Variants in ZDHHC2 observed in about 807,000 individuals in gnomAD.
ZDHHC2 encodes zDHHC palmitoyltransferase 2.
In ZDHHC2, 51 loss-of-function variants were observed where a neutral mutation model predicts 55.6. The observed-to-expected ratio is 0.92, with a 90% confidence interval of 0.73 to 1.16. ZDHHC2 has a LOEUF of 1.16. ZDHHC2 is among the 50% of genes most tolerant of loss of function. ZDHHC2 has a pLI of 0.00. For missense variants in ZDHHC2, 491 were observed against 442.4 expected (o/e 1.11, Z -0.99); for synonymous variants, 199 against 152.9 (o/e 1.30, Z -2.22).
rs1425835655 is a variant in ZDHHC2 at position 17,222,619 on chromosome 8, A to C, written c.*2398A>C. 1 of 151,814 alleles carries C rather than the reference A, an allele frequency of 6.6e-6. No homozygotes were observed. Among genetic ancestry groups the C allele is most frequent in the Non-Finnish European group, 1.5e-5 (1 of 67,786 alleles). The allele number at this position is 151,814 out of a possible 1,614,324, so 9.4% of individuals were successfully genotyped here. A position where few individuals can be genotyped will look rare whatever the true frequency, so the allele number is the denominator to read the frequency against. On this transcript the variant is annotated 3_prime_UTR_variant, in exon 13 of 13. Coordinates refer to ENST00000262096, the MANE Select transcript of ZDHHC2 (RefSeq NM_016353.5). ...TATTTGCTATTATGTAGGGAAGAGG[A>C]TTGTTATTTCAAAGATATATTAAAG...
At chr8:17,172,835 T>C (rs535258218) in intron 1 of ZDHHC2, among the ~76,000 whole-genome samples, 2 of 152,168 alleles carry the variant, frequency 1.3e-5, no homozygotes, top group South Asian at 2.1e-4. Context: ...TCTTACTCTT[T>C]CTAGTATCAC....
In ZDHHC2 at chr8:17,208,010, T is replaced by C. The variant is rs1807192676; in HGVS notation, c.648T>C (p.Phe216=). ...QAKFHIMFLF[F]AAAMFSVSLS... ...AGTTCCATATTATGTTTTTATTCTT[T>C]GCTGCAGCTATGTTTTCTGTCAGCT... is the stretch of plus-strand genomic sequence containing the variant. Residue 216 remains phenylalanine (F), a synonymous_variant, in exon 8 of 13, where the codon TTT becomes TTC. Coordinates refer to ENST00000262096, the MANE Select transcript of ZDHHC2 (RefSeq NM_016353.5). The C allele has an allele frequency of 5.0e-6, 8 of 1,595,958 alleles. No individual in the cohort carries two copies. Among genetic ancestry groups the C allele is most frequent in the Non-Finnish European group, 6.8e-6 (8 of 1,170,240 alleles).
intron 1 of ZDHHC2, among the ~76,000 whole-genome samples, chr8:17,161,918 A>C (rs1023690165): frequency 6.6e-6 from 1 of 152,224 alleles, no homozygotes; most frequent in African/African-American, 2.4e-5. Flanking sequence ...GATTCAAAAT[A>C]TATTCTGTGA....
rs772414711 is a variant in ZDHHC2 at position 17,186,323 on chromosome 8, C to T, written c.158-8C>T. 59 of 1,569,144 alleles carry T rather than the reference C, an allele frequency of 3.8e-5. No individual in the cohort carries two copies. Among genetic ancestry groups the T allele is most frequent in the East Asian group, 3.5e-4 (15 of 43,240 alleles). On this transcript the variant is annotated splice_polypyrimidine_tract_variant and splice_region_variant and intron_variant, in intron 2 of 12. Transcript: ENST00000262096. ...ATTATAATGATAATTATGTTTTTCTCATTTTAGTTGTGTGCCTGATGGCCT... is the reference window on the plus strand; with the variant it reads ...ATTATAATGATAATTATGTTTTTCTTATTTTAGTTGTGTGCCTGATGGCCT...
chr8:17,157,034 C>G (rs2150869869), intron 1 of ZDHHC2, among the ~76,000 whole-genome samples, 181 bp downstream of exon 1: 3 of 152,152 alleles, frequency 2.0e-5, no homozygotes, highest in East Asian at 3.9e-4. Flanking sequence ...ACGCGCACGC[C>G]CCTCGCCCTC....
At chr8:17,207,870 CAAA>C (rs553722681) in intron 7 of ZDHHC2, 87 bp from the exon 8 acceptor site, 5 of 896,974 alleles carry the variant, frequency 5.6e-6, no homozygotes, top group Non-Finnish European at 7.1e-6. Context: ...AAATTTTAAG[CAAA>C]AAAAAAAATC....
chr8:17,199,575 T>C (rs1260981316), intron 6 of ZDHHC2, among the ~76,000 whole-genome samples: 5 of 45,460 alleles, frequency 1.1e-4, no homozygotes, highest in African/African-American at 1.9e-4. Flanking sequence ...TTCGTCTTTG[T>C]CTTCTTCTTC....
Position 17,207,990 on chromosome 8 carries a change from C to T in ZDHHC2, c.628C>T (p.His210Tyr), listed in dbSNP as rs373295844. 17 of 1,585,322 alleles carry T rather than the reference C, an allele frequency of 1.1e-5. No homozygotes were observed. The highest frequency in any genetic ancestry group is 1.5e-5 in the Non-Finnish European group (17 of 1,165,088). ...CCTACCTGATACTCAAGCCAAGTTCCATATTATGTTTTTATTCTTTGCTGC... is the reference window on the plus strand; with the variant it reads ...CCTACCTGATACTCAAGCCAAGTTCTATATTATGTTTTTATTCTTTGCTGC... ...NGLPDTQAKFHIMFLFFAAAM... is the reference protein window; with the variant it reads ...NGLPDTQAKFYIMFLFFAAAM... The change falls in exon 8 of 13, where the codon CAT (histidine) becomes TAT (tyrosine). Residue 210 changes from histidine to tyrosine, a missense_variant. His to Tyr is a moderately conservative substitution (Grantham distance 83). Transcript: ENST00000262096.
At position 17,210,419 on chromosome 8, in the gene ZDHHC2, C is replaced by T; in HGVS notation, c.889C>T (p.Leu297Phe). 6.2e-7 allele frequency: 1 copy of T among 1,613,086 alleles called. No homozygotes were observed. Among genetic ancestry groups the T allele is most frequent in the Non-Finnish European group, 8.5e-7 (1 of 1,179,494 alleles). Reference protein sequence around the residue: ...LGDGCSFPTCLVNQDPEQAST... With the variant: ...LGDGCSFPTCFVNQDPEQAST... ...TGATGGCTGCTCCTTTCCAACTTGC[C>T]TTGTTAACCAGGATCCTGAACAAGC... The change falls in exon 10 of 13, where the codon CTT (leucine) becomes TTT (phenylalanine). Residue 297 changes from leucine to phenylalanine, a missense_variant. Physicochemically the swap from Leu to Phe is conservative, Grantham distance 22. Coordinates refer to ENST00000262096, the MANE Select transcript of ZDHHC2 (RefSeq NM_016353.5).
chr8:17,192,954 C>G (rs991862193), intron 3 of ZDHHC2, among the ~76,000 whole-genome samples: 1 of 152,048 alleles, frequency 6.6e-6, no homozygotes, highest in African/African-American at 2.4e-5. Flanking sequence ...TTTCTGGGCT[C>G]TCTGTTCTTT....
intron 3 of ZDHHC2, among the ~76,000 whole-genome samples, chr8:17,187,823 C>G (rs1023813452): frequency 1.3e-5 from 2 of 152,144 alleles, no homozygotes; most frequent in South Asian, 2.1e-4. Flanking sequence ...AAATTTCAAA[C>G]TTATGTATCC....
chr8:17,186,540 T>C (rs562758699), intron 3 of ZDHHC2, 115 bp downstream of exon 3: 2 of 600,754 alleles, frequency 3.3e-6, no homozygotes, highest in South Asian at 6.3e-5. Flanking sequence ...AGTGACTTTT[T>C]AGATTAAAAA....
chr8:17,184,333 A>T (rs1805594990), intron 1 of ZDHHC2, among the ~76,000 whole-genome samples: 1 of 152,174 alleles, frequency 6.6e-6, no homozygotes, highest in Non-Finnish European at 1.5e-5. Flanking sequence ...TTTAGAAATT[A>T]GGGGGAAAAA....
At chr8:17,156,973 C>G (rs1804090088) in intron 1 of ZDHHC2, 120 bp downstream of exon 1, 1 of 928,894 alleles carries the variant, frequency 1.1e-6, no homozygotes. Flanking sequence ...TGCCAACCTG[C>G]CGCGTCCCGC....
At chr8:17,163,847 A>G (rs184153268) in intron 1 of ZDHHC2, among the ~76,000 whole-genome samples, 59 of 152,362 alleles carry the variant, frequency 3.9e-4, no homozygotes, top group African/African-American at 1.4e-3. Context: ...GTTATTACAT[A>G]TTACCATTTA....
At chr8:17,166,365 C>A (rs145048855) in intron 1 of ZDHHC2, among the ~76,000 whole-genome samples, 2,479 of 152,214 alleles carry the variant, frequency 0.016, 37 homozygotes, top group Non-Finnish European at 0.026. Flanking sequence ...TTGACTCATA[C>A]AACCGAAAGG....
intron 11 of ZDHHC2, among the ~76,000 whole-genome samples, chr8:17,216,484 G>A (rs567309672): frequency 2.0e-4 from 30 of 152,236 alleles, no homozygotes; most frequent in African/African-American, 7.0e-4. Context: ...TCTATGGCAA[G>A]GACTAGGCAT....
At chr8:17,162,491 C>G (rs1225744222) in intron 1 of ZDHHC2, among the ~76,000 whole-genome samples, 1 of 152,104 alleles carries the variant, frequency 6.6e-6, no homozygotes, top group Non-Finnish European at 1.5e-5. Context: ...GGGATGGTTT[C>G]TTTATTCAAG....
intron 6 of ZDHHC2, among the ~76,000 whole-genome samples, chr8:17,200,975 A>G (rs1288803783): frequency 6.6e-6 from 1 of 152,212 alleles, no homozygotes; most frequent in East Asian, 1.9e-4. Flanking sequence ...AGCAGCAGCC[A>G]TGTTGACTTG....
Sources: allele counts gnomAD v4.1 joint callset (sites outside exome capture counted in the v4.1 genomes callset), GRCh38; gene constraint gnomAD v4.1.1; transcripts MANE v1.5; gene names NCBI Gene and HGNC (gene_info 2026-07-23, HGNC 2026-07-21).